MGAM: variants seen among roughly 807,000 people sequenced by gnomAD.
MGAM encodes maltase-glucoamylase, also known as alpha-1,4-glucosidase.
A neutral mutation model predicts 358.8 loss-of-function variants in MGAM; 253 were observed. The ratio of observed to expected loss-of-function variants is 0.71; its 90% CI spans 0.64 to 0.78. MGAM has a LOEUF of 0.78. MGAM is among the 30% of genes least tolerant of loss of function. MGAM has a pLI of 0.00. For synonymous variants in MGAM, 1,105 were observed against 1,227.1 expected, an observed-to-expected ratio of 0.90 and a Z score of 2.08; for missense variants, 3,080 against 3,432.6, an observed-to-expected ratio of 0.90 and a Z score of 2.57.
In MGAM at chr7:142,103,384, T is replaced by G; in HGVS notation, c.8129T>G (p.Ile2710Ser). 3 of 1,613,034 alleles carry G rather than the reference T, an allele frequency of 1.9e-6. No homozygotes were observed. The highest frequency in any genetic ancestry group is 1.7e-6 in the Non-Finnish European group (2 of 1,179,508). The change falls in exon 70 of 71, where the codon ATC (isoleucine) becomes AGC (serine). Residue 2710 changes from isoleucine to serine, a missense_variant. By Grantham distance (142) the Ile-to-Ser change is moderately radical. This residue lies in a region of MGAM where 194 missense variants were observed against 172.8 expected (regional missense o/e 1.12). Transcript: ENST00000475668. ...VGSVPVTSVS[I>S]SVSGMVITPS... Reference sequence around the variant, plus strand: ...AGTGTCCCCGTTACCAGTGTCAGCATCTCTGTGAGTGGCATGGTCATAACA... The same window carrying G: ...AGTGTCCCCGTTACCAGTGTCAGCAGCTCTGTGAGTGGCATGGTCATAACA...
At chr7:142,058,955 C>T (rs1811825508) in intron 31 of MGAM, among the ~76,000 whole-genome samples, 2 of 152,272 alleles carry the variant, frequency 1.3e-5, no homozygotes, top group South Asian at 4.1e-4. Context: ...TGTAGTGTTT[C>T]CATTAGTGGA....
upstream of MGAM, among the ~76,000 whole-genome samples, chr7:141,994,016 C>T (rs141802297): frequency 4.1e-3 from 623 of 152,294 alleles, 10 homozygotes; most frequent in East Asian, 0.062. Context: ...GCTGGGATTA[C>T]AGGCACGCAC....
At chr7:141,987,597 G>A (rs1803770910) in intron 2 of MGAM, among the ~76,000 whole-genome samples, 1 of 152,050 alleles carries the variant, frequency 6.6e-6, no homozygotes, top group Admixed American at 6.5e-5. Flanking sequence ...AGGCACAGGG[G>A]AGGGGGGCAT....
intron 17 of MGAM, among the ~76,000 whole-genome samples, chr7:142,036,602 T>C (rs1371076693): frequency 3.9e-5 from 6 of 152,196 alleles, no homozygotes; most frequent in African/African-American, 1.2e-4. Context: ...ATTATTTAAA[T>C]TGCAGCCTCC....
intron 7 of MGAM, among the ~76,000 whole-genome samples, chr7:142,023,027 A>G (rs1554459576): frequency 2.0e-5 from 3 of 152,216 alleles, no homozygotes; most frequent in African/African-American, 7.2e-5. Flanking sequence ...TGGATTTGGC[A>G]ATACTCTGTT....
rs1563144976 is a variant in MGAM at position 142,041,957 on chromosome 7, TA to T, written c.2498+1113del. On this transcript the variant is annotated intron_variant, in intron 21 of 70. Transcript: ENST00000475668. ...TATATATTATATATATACATATATA[TA>T]ATATATATATATTATATATATATAA... is the stretch of plus-strand genomic sequence containing the variant. 2.9e-3 allele frequency among the ~76,000 whole-genome samples: 59 copies of T among 20,416 alleles called. 3 individuals carry two copies. Among genetic ancestry groups the T allele is most frequent in the African/African-American group, 8.0e-3 (56 of 7,042 alleles). 13.4% of individuals were successfully genotyped at this position (20,416 alleles called of 152,430 possible). A position where few individuals can be genotyped will look rare whatever the true frequency, so the allele number is the denominator to read the frequency against.
chr7:142,020,860 G>T (rs1413383835), intron 4 of MGAM, 114 bp from the exon 5 acceptor site: 10 of 742,494 alleles, frequency 1.3e-5, no homozygotes, highest in Non-Finnish European at 2.3e-5. Flanking sequence ...CCAAAGTGCT[G>T]GGATTACAGG....
intron 1 of MGAM, among the ~76,000 whole-genome samples, chr7:142,000,330 C>T (rs1554450240): frequency 1.3e-5 from 2 of 152,112 alleles, no homozygotes; most frequent in Non-Finnish European, 2.9e-5. Flanking sequence ...CAGAAGACCT[C>T]AGTTCTTTGC....
At chr7:142,092,423 C>T in intron 58 of MGAM, 98 bp from the exon 59 acceptor site, 1 of 1,207,664 alleles carries the variant, frequency 8.3e-7, no homozygotes, top group African/African-American at 1.4e-5. Flanking sequence ...ATAGGGATTA[C>T]TGGATGTTGA....
Position 142,020,965 on chromosome 7 carries a change from C to A in MGAM, c.449-9C>A. 6.3e-7 allele frequency: 1 copy of A among 1,588,712 alleles called. No individual in the cohort carries two copies. The highest frequency in any genetic ancestry group is 8.6e-7 in the Non-Finnish European group (1 of 1,161,212). On this transcript the variant is annotated splice_polypyrimidine_tract_variant and intron_variant, in intron 4 of 70. Transcript: ENST00000475668. ...CAACTATGAAAACCTTTTTTTTCTCCTATGTTAGGATTCACAGCCCGGTTG... is the reference window on the plus strand; with the variant it reads ...CAACTATGAAAACCTTTTTTTTCTCATATGTTAGGATTCACAGCCCGGTTG...
At chr7:142,102,835 A>G (rs1166759002) in intron 69 of MGAM, among the ~76,000 whole-genome samples, 156 bp downstream of exon 69, 2 of 152,158 alleles carry the variant, frequency 1.3e-5, no homozygotes, top group African/African-American at 4.8e-5. Flanking sequence ...GAAATTTACT[A>G]TGCTCCCAGG....
At chr7:142,045,201 ATT>A (rs1809960252) in intron 21 of MGAM, among the ~76,000 whole-genome samples, 1 of 45,642 alleles carries the variant, frequency 2.2e-5, no homozygotes, top group Admixed American at 3.6e-4. Context: ...TATAATATAT[ATT>A]ATATAACATA....
intron 42 of MGAM, among the ~76,000 whole-genome samples, chr7:142,068,280 A>C (rs1284412579): frequency 7.0e-6 from 1 of 141,982 alleles, no homozygotes; most frequent in African/African-American, 2.5e-5. Context: ...TACAGGCATG[A>C]GCCATCGCGC....
chr7:142,064,548 C>A (rs1486129035), intron 37 of MGAM, 26 bp downstream of exon 37: 2 of 1,561,800 alleles, frequency 1.3e-6, no homozygotes, highest in East Asian at 2.4e-5. Flanking sequence ...CCTTCTCCAG[C>A]TGTCACAACC....
At position 142,045,733 on chromosome 7, in the gene MGAM, G is replaced by A. The variant is rs1370028140; in HGVS notation, c.2499-2052G>A. 2.0e-4 allele frequency among the ~76,000 whole-genome samples: 14 copies of A among 70,626 alleles called. 2 individuals are homozygous for A. Among genetic ancestry groups the A allele is most frequent in the Admixed American group, 8.5e-4 (4 of 4,698 alleles). 46.3% of individuals were successfully genotyped at this position (70,626 alleles called of 152,430 possible). A position where few individuals can be genotyped will look rare whatever the true frequency, so the allele number is the denominator to read the frequency against. On this transcript the variant is annotated intron_variant, in intron 21 of 70. Coordinates refer to ENST00000475668, the MANE Select transcript of MGAM (RefSeq NM_001365693.1). Reference sequence around the variant, plus strand: ...ATAATATATAATATATACATACAATGTATGAATATATAATATATATCATAT... The same window carrying A: ...ATAATATATAATATATACATACAATATATGAATATATAATATATATCATAT...
intron 24 of MGAM, 61 bp from the exon 25 acceptor site, chr7:142,052,233 C>G (rs1174542699): frequency 5.0e-6 from 7 of 1,394,616 alleles, no homozygotes; most frequent in Non-Finnish European, 6.7e-6. Context: ...AAAAAAACCT[C>G]AGGTCTTGCA....
chr7:142,102,598 C>T, intron 68 of MGAM, 32 bp from the exon 69 acceptor site: 3 of 1,605,088 alleles, frequency 1.9e-6, no homozygotes, highest in Non-Finnish European at 2.6e-6. Flanking sequence ...AGCACAGGTC[C>T]AGGCCATGTT....
Position 142,041,993 on chromosome 7 carries a change from TA to T in MGAM, c.2498+1148del, listed in dbSNP as rs1563145395. ...TATTATATATATATAATATAATATA[TA>T]TATATTATATATATAATATAATATA... is the stretch of plus-strand genomic sequence containing the variant. On this transcript the variant is annotated intron_variant, in intron 21 of 70. Transcript: ENST00000475668. 8.5e-3 allele frequency among the ~76,000 whole-genome samples: 117 copies of T among 13,846 alleles called. 5 individuals carry two copies. Among genetic ancestry groups the T allele is most frequent in the African/African-American group, 0.029 (112 of 3,848 alleles). The allele number at this position is 13,846 out of a possible 152,430, so 9.1% of individuals were successfully genotyped here. A position where few individuals can be genotyped will look rare whatever the true frequency, so the allele number is the denominator to read the frequency against.
intron 57 of MGAM, among the ~76,000 whole-genome samples, chr7:142,089,906 AAG>A (rs1815205825): frequency 6.8e-6 from 1 of 146,650 alleles, no homozygotes; most frequent in Non-Finnish European, 1.5e-5. Flanking sequence ...GGTGAGGATG[AAG>A]CCACTGATGT....
Sources: allele counts gnomAD v4.1 joint callset (sites outside exome capture counted in the v4.1 genomes callset), GRCh38; gene constraint gnomAD v4.1.1; regional missense constraint gnomAD v4.1.1; transcripts MANE v1.5; gene names NCBI Gene and HGNC (gene_info 2026-07-23, HGNC 2026-07-21).